The following FRMD4B variants were observed in gnomAD, a reference collection of about 807,000 sequenced individuals.
FRMD4B encodes FERM domain-containing protein 4B.
A neutral mutation model predicts 141.5 loss-of-function variants in FRMD4B; 74 were observed. That is an observed-to-expected ratio of 0.52 (90% CI 0.43 to 0.63). The LOEUF (loss-of-function observed/expected upper bound fraction) is 0.63, where lower values mean the gene tolerates loss of function less well. Among genes scored for constraint, FRMD4B ranks in the 30% least tolerant of loss-of-function variants. The pLI is 0.00. For synonymous variants in FRMD4B, 506 were observed against 467.9 expected (o/e 1.08, Z -1.05); for missense variants, 1,366 against 1,253.4 (o/e 1.09, Z -1.36).
chr3:69,242,929 G>C (rs1453367082), intron 7 of FRMD4B, among the ~76,000 whole-genome samples: 1 of 150,998 alleles, frequency 6.6e-6, no homozygotes, highest in African/African-American at 2.4e-5. Flanking sequence ...GGATAGCAGA[G>C]GGTGCAGTGA....
chr3:69,423,837 C>T (rs1182207212), intron 2 of FRMD4B, among the ~76,000 whole-genome samples: 3 of 152,134 alleles, frequency 2.0e-5, no homozygotes, highest in South Asian at 4.1e-4. Flanking sequence ...GTGGTATTAG[C>T]AGGACCCTCA....
intron 7 of FRMD4B, among the ~76,000 whole-genome samples, chr3:69,242,586 C>T (rs924675870): frequency 1.4e-5 from 2 of 139,310 alleles, no homozygotes; most frequent in East Asian, 4.3e-4. Flanking sequence ...AATATACTCT[C>T]ATTCTGACCC....
At chr3:69,499,178 T>A (rs1386089920) in intron 1 of FRMD4B, among the ~76,000 whole-genome samples, 1 of 152,078 alleles carries the variant, frequency 6.6e-6, no homozygotes, top group Non-Finnish European at 1.5e-5. Context: ...ACTGGTGTGG[T>A]GAGAGTGCCC....
chr3:69,397,737 T>C (rs1704495693), intron 2 of FRMD4B, among the ~76,000 whole-genome samples: 1 of 151,960 alleles, frequency 6.6e-6, no homozygotes. Context: ...GGGGAATGAC[T>C]GCTAATTAGT....
chr3:69,455,994 T>C (rs1208122310), intron 1 of FRMD4B, among the ~76,000 whole-genome samples: 1 of 152,150 alleles, frequency 6.6e-6, no homozygotes, highest in Admixed American at 6.5e-5. Context: ...GCTTTGAGGC[T>C]TAATTCAGAT....
intron 3 of FRMD4B, among the ~76,000 whole-genome samples, chr3:69,311,011 G>T (rs537571958): frequency 6.6e-6 from 1 of 152,252 alleles, no homozygotes; most frequent in South Asian, 2.1e-4. Context: ...CTGTAATCGG[G>T]AATAACAAAC....
chr3:69,224,753 C>A, intron 7 of FRMD4B, 63 bp from the exon 8 acceptor site: 2 of 774,252 alleles, frequency 2.6e-6, no homozygotes, highest in South Asian at 3.0e-5. Context: ...GCAAGCCGGT[C>A]ACCAAATGAA....
chr3:69,343,027 C>T (rs184842043), intron 1 of FRMD4B, among the ~76,000 whole-genome samples: 13 of 152,066 alleles, frequency 8.5e-5, no homozygotes, highest in Admixed American at 3.3e-4. Context: ...ATCCATAGCT[C>T]GCTGCAGCCT....
chr3:69,410,385 T>C (rs1704732555), intron 2 of FRMD4B, among the ~76,000 whole-genome samples: 1 of 152,016 alleles, frequency 6.6e-6, no homozygotes, highest in South Asian at 2.1e-4. Flanking sequence ...TAAGTGTAAA[T>C]GTAGGAATGC....
At chr3:69,402,613 G>A (rs751128373) in intron 2 of FRMD4B, among the ~76,000 whole-genome samples, 20 of 152,218 alleles carry the variant, frequency 1.3e-4, no homozygotes, top group African/African-American at 2.2e-4. Context: ...TAGGAGGTGC[G>A]TAATTCATAT....
chr3:69,181,590 GCTT>G lies in FRMD4B; in HGVS notation c.2157_2159del (p.Arg719del), dbSNP rs1369087775. 5 of 1,613,816 alleles carry G rather than the reference GCTT, an allele frequency of 3.1e-6. No homozygotes were observed. Among genetic ancestry groups the G allele is most frequent in the Non-Finnish European group, 4.2e-6 (5 of 1,179,752 alleles). ...CGTCATCGAGGATTTCTGTGCTGCT[GCTT>G]CTTTGGGATTTGGAGAGGGAGAAAA... is the stretch of plus-strand genomic sequence containing the variant. On this transcript the variant is annotated inframe_deletion, in exon 21 of 23. Coordinates refer to ENST00000398540, the MANE Select transcript of FRMD4B (RefSeq NM_015123.3).
intron 1 of FRMD4B, among the ~76,000 whole-genome samples, chr3:69,435,409 G>A (rs183743656): frequency 1.3e-5 from 2 of 151,658 alleles, no homozygotes; most frequent in Admixed American, 6.6e-5. Flanking sequence ...TGGTCATTAT[G>A]GTGTAAACCA....
Position 69,230,481 on chromosome 3 carries a change from C to T in FRMD4B, c.582-5791G>A, listed in dbSNP as rs534779761. On this transcript the variant is annotated intron_variant, in intron 7 of 22. Coordinates refer to ENST00000398540, the MANE Select transcript of FRMD4B (RefSeq NM_015123.3). The stretch of plus-strand genomic sequence containing the variant: ...AGATTTAGGACCAGGCGTGGTGGCT[C>T]ACACCTGTAATTCCAGCATTTTGGG... Among the ~76,000 whole-genome samples the T allele has an allele frequency of 2.0e-5, 3 of 152,092 alleles. No individual in the cohort carries two copies. In the East Asian group the frequency reaches 5.8e-4, roughly 30 times the overall value.
intron 1 of FRMD4B, among the ~76,000 whole-genome samples, chr3:69,515,820 A>G (rs1575597483): frequency 6.6e-6 from 1 of 152,234 alleles, no homozygotes; most frequent in East Asian, 1.9e-4. Flanking sequence ...AGATTGCTAA[A>G]TTAGAAGCAA....
chr3:69,261,082 G>A (rs1451908654), intron 5 of FRMD4B, among the ~76,000 whole-genome samples: 3 of 152,184 alleles, frequency 2.0e-5, no homozygotes, highest in South Asian at 2.1e-4. Context: ...AACCTGCTTG[G>A]GTCACTTTTC....
intron 1 of FRMD4B, among the ~76,000 whole-genome samples, chr3:69,315,546 C>CT (rs1407021811): frequency 6.6e-6 from 1 of 151,990 alleles, no homozygotes; most frequent in Non-Finnish European, 1.5e-5. Flanking sequence ...GTTGTTGTTT[C>CT]TTTCTTTTTC....
chr3:69,181,816 T>C (rs1222861969), intron 20 of FRMD4B, 106 bp from the exon 21 acceptor site: 4 of 688,822 alleles, frequency 5.8e-6, no homozygotes, highest in Non-Finnish European at 7.3e-6. Flanking sequence ...TGAATTACAA[T>C]AGGACTTTGA....
intron 1 of FRMD4B, among the ~76,000 whole-genome samples, chr3:69,455,754 AAC>A (rs1373137418): frequency 1.3e-5 from 2 of 152,218 alleles, no homozygotes; most frequent in African/African-American, 4.8e-5. Flanking sequence ...AATTTTATGC[AAC>A]ACTTTGTAAT....
At chr3:69,532,652 C>T (rs1314105398) in intron 1 of FRMD4B, among the ~76,000 whole-genome samples, 1 of 152,270 alleles carries the variant, frequency 6.6e-6, no homozygotes, top group East Asian at 1.9e-4. Flanking sequence ...TGACAGAACT[C>T]GGGTTGAGTA....
Sources: gnomAD v4.1 joint callset for allele counts (sites outside exome capture counted in the v4.1 genomes callset) on GRCh38, gnomAD v4.1.1 for gene constraint, MANE v1.5 for transcripts, NCBI Gene and HGNC (gene_info 2026-07-23, HGNC 2026-07-21) for gene names.